Variants in CLNK observed in about 807,000 individuals in gnomAD.
CLNK encodes cytokine-dependent hematopoietic cell linker.
In CLNK, 74 loss-of-function variants were observed where a neutral mutation model predicts 68.6. The ratio of observed to expected loss-of-function variants is 1.08; its 90% confidence interval spans 0.89 to 1.31. The LOEUF is 1.31. Among genes scored for constraint, CLNK ranks in the 50% most tolerant of loss-of-function variants. The pLI is 0.00. For synonymous variants in CLNK, 198 were observed against 172.2 expected, an observed-to-expected ratio of 1.15 and a Z score of -1.17; for missense variants, 553 against 515.3, an observed-to-expected ratio of 1.07 and a Z score of -0.71.
At chr4:10,550,521 C>T (rs1719406088) in intron 8 of CLNK, among the ~76,000 whole-genome samples, 1 of 151,930 alleles carries the variant, frequency 6.6e-6, no homozygotes, top group Non-Finnish European at 1.5e-5. Context: ...TAAAAAATTA[C>T]ATAAACATAC....
At chr4:10,672,231 A>G (rs540065213) in intron 1 of CLNK, among the ~76,000 whole-genome samples, 1 of 152,318 alleles carries the variant, frequency 6.6e-6, no homozygotes, top group Admixed American at 6.5e-5. Flanking sequence ...GCTAGGTGTG[A>G]GTGCATGCCA....
chr4:10,671,772 A>G (rs2108896448), intron 1 of CLNK, among the ~76,000 whole-genome samples: 1 of 152,310 alleles, frequency 6.6e-6, no homozygotes, highest in Non-Finnish European at 1.5e-5. Context: ...CTCATTTTAT[A>G]CAAAACCAAA....
chr4:10,539,808 A>C (rs751488360), intron 11 of CLNK, among the ~76,000 whole-genome samples: 12 of 152,188 alleles, frequency 7.9e-5, no homozygotes, highest in Non-Finnish European at 1.2e-4. Flanking sequence ...GGTGATGGGA[A>C]GCTGGGGGCC....
At chr4:10,585,858 A>G (rs1193320500) in intron 3 of CLNK, among the ~76,000 whole-genome samples, 1 of 152,222 alleles carries the variant, frequency 6.6e-6, no homozygotes, top group Non-Finnish European at 1.5e-5. Flanking sequence ...ATGTTATTCA[A>G]AAACAAAGTA....
chr4:10,679,948 AG>A (rs1442511380), intron 1 of CLNK, among the ~76,000 whole-genome samples: 1 of 152,202 alleles, frequency 6.6e-6, no homozygotes, highest in East Asian at 1.9e-4. Context: ...CTATTGTGGA[AG>A]TCAGTGTGGT....
chr4:10,505,859 A>G (rs544308766), intron 17 of CLNK, among the ~76,000 whole-genome samples: 2 of 152,352 alleles, frequency 1.3e-5, no homozygotes, highest in Admixed American at 1.3e-4. Context: ...GAATGTGAAC[A>G]TCTTTGGGGG....
rs531161866 is a variant in CLNK at position 10,620,930 on chromosome 4, G to A, written c.12-22881C>T. Among the ~76,000 whole-genome samples, 818 of 134,726 alleles carry A rather than the reference G, an allele frequency of 6.1e-3. 11 individuals carry two copies. Among genetic ancestry groups the A allele is most frequent in the African/African-American group, 0.021 (779 of 37,640 alleles). 88.4% of individuals were successfully genotyped at this position (134,726 alleles called of 152,430 possible). A position where few individuals can be genotyped will look rare whatever the true frequency, so the allele number is the denominator to read the frequency against. ...ATCCTGGCTAACATGGTGAAGCCCC[G>A]TCTCTACTAAAAATACAAAAAAAAA... On this transcript the variant is annotated intron_variant, in intron 2 of 18. Coordinates refer to ENST00000226951, the MANE Select transcript of CLNK (RefSeq NM_052964.4).
At chr4:10,713,654 C>A in the CLNK span, among the ~76,000 whole-genome samples, 1 of 152,124 alleles carries the variant, frequency 6.6e-6, no homozygotes, top group East Asian at 1.9e-4. Flanking sequence ...TATTTGGATC[C>A]TGGAAATGGA....
At chr4:10,542,350 A>G (rs1719065251) in intron 8 of CLNK, 70 bp from the exon 9 acceptor site, 1 of 988,380 alleles carries the variant, frequency 1.0e-6, no homozygotes, top group Non-Finnish European at 1.5e-6. Flanking sequence ...ATACACGCTT[A>G]CATGAAAATC....
chr4:10,503,213 A>G (rs879715248), intron 17 of CLNK, among the ~76,000 whole-genome samples: 7 of 152,114 alleles, frequency 4.6e-5, no homozygotes, highest in Non-Finnish European at 1.0e-4. Flanking sequence ...TGTAATCCCA[A>G]CACTTGGGAG....
chr4:10,511,848 C>T (rs1717596889), intron 16 of CLNK, among the ~76,000 whole-genome samples: 1 of 152,168 alleles, frequency 6.6e-6, no homozygotes, highest in Non-Finnish European at 1.5e-5. Context: ...TGAGTCTCTG[C>T]TTTCAATTCT....
At chr4:10,730,800 G>T in the CLNK span, among the ~76,000 whole-genome samples, 1 of 152,124 alleles carries the variant, frequency 6.6e-6, no homozygotes, top group East Asian at 1.9e-4. Flanking sequence ...TTCAGTGTAT[G>T]AGGGTTTTTT....
chr4:10,624,593 G>GTTT (rs10559473), intron 2 of CLNK, among the ~76,000 whole-genome samples: 107 of 122,854 alleles, frequency 8.7e-4, no homozygotes, highest in Admixed American at 2.3e-3. Context: ...CGCCCGGCCA[G>GTTT]TTTTTTTTTT....
intron 11 of CLNK, among the ~76,000 whole-genome samples, chr4:10,533,404 A>C (rs1388857084): frequency 6.6e-6 from 1 of 152,240 alleles, no homozygotes; most frequent in Non-Finnish European, 1.5e-5. Context: ...CAGTGAAAAC[A>C]CTGGATCTGA....
rs192646524 is a variant in CLNK, at chr4:10,683,929, A to G, written c.-43+739T>C. 2.0e-3 allele frequency among the ~76,000 whole-genome samples: 297 copies of G among 152,294 alleles called. 1 individual carries two copies. The highest frequency in any genetic ancestry group is 6.4e-3 in the African/African-American group (265 of 41,584). Reference sequence around the variant, plus strand: ...TCATAACAGAGAAGCCAAATGAGTAACACTGGTGTAAAGTAATAAAAACAG... The same window carrying G: ...TCATAACAGAGAAGCCAAATGAGTAGCACTGGTGTAAAGTAATAAAAACAG... On this transcript the variant is annotated intron_variant, in intron 1 of 18. Coordinates refer to ENST00000226951, the MANE Select transcript of CLNK (RefSeq NM_052964.4).
intron 5 of CLNK, among the ~76,000 whole-genome samples, chr4:10,569,496 T>C (rs1378884526): frequency 6.6e-6 from 1 of 152,230 alleles, no homozygotes; most frequent in African/African-American, 2.4e-5. Context: ...CTTGGACTTC[T>C]GGTCTTCAGA....
chr4:10,732,727 C>CA, the CLNK span, among the ~76,000 whole-genome samples: 3,085 of 130,904 alleles, frequency 0.024, 47 homozygotes, highest in African/African-American at 0.042. Context: ...ACTCGAGGAC[C>CA]AAAAAAAAAA....
At chr4:10,703,332 C>CA in the CLNK span, among the ~76,000 whole-genome samples, 1 of 152,080 alleles carries the variant, frequency 6.6e-6, no homozygotes, top group African/African-American at 2.4e-5. Flanking sequence ...TTGTTGAGTA[C>CA]ATAATATGTG....
chr4:10,569,105 A>C (rs1488247860), intron 5 of CLNK, among the ~76,000 whole-genome samples: 2 of 151,776 alleles, frequency 1.3e-5, no homozygotes, highest in African/African-American at 4.8e-5. Flanking sequence ...GTGAGAATTT[A>C]GGTAAAATGT....
Sources: allele counts gnomAD v4.1 joint callset (sites outside exome capture counted in the v4.1 genomes callset), GRCh38; gene constraint gnomAD v4.1.1; transcripts MANE v1.5; gene names NCBI Gene and HGNC (gene_info 2026-07-23, HGNC 2026-07-21).